AXDND1: variants seen among roughly 807,000 people sequenced by gnomAD.
AXDND1 encodes the protein axonemal dynein light chain domain-containing protein 1.
AXDND1 carries 110 observed loss-of-function variants against 137.5 expected under a neutral mutation model. The ratio of observed to expected loss-of-function variants is 0.80; its 90% CI spans 0.69 to 0.94. The LOEUF is 0.94. Among genes scored for constraint, AXDND1 ranks in the 40% least tolerant of loss-of-function variants. AXDND1 has a pLI of 0.00. For missense variants in AXDND1, 1,191 were observed against 1,169.8 expected (o/e 1.02, Z -0.26); for synonymous variants, 414 against 399.7 (o/e 1.04, Z -0.43).
At chr1:179,480,447 C>G (rs1330396012) in intron 17 of AXDND1, among the ~76,000 whole-genome samples, 1 of 152,150 alleles carries the variant, frequency 6.6e-6, no homozygotes, top group Admixed American at 6.5e-5. Context: ...TCAGTTATCT[C>G]CCACTGGGTC....
chr1:179,380,762 CAAATG>C (rs1648131984), intron 6 of AXDND1, among the ~76,000 whole-genome samples: 1 of 151,992 alleles, frequency 6.6e-6, no homozygotes, highest in Admixed American at 6.6e-5. Flanking sequence ...CCAAGAGAAC[CAAATG>C]AAATTCATTT....
intron 21 of AXDND1, among the ~76,000 whole-genome samples, chr1:179,515,520 T>G (rs965208663): frequency 1.3e-5 from 2 of 152,182 alleles, no homozygotes; most frequent in Admixed American, 1.3e-4. Context: ...TTCTTCGTCT[T>G]AACTTTAGAT....
intron 18 of AXDND1, among the ~76,000 whole-genome samples, chr1:179,487,263 A>G (rs1666182166): frequency 6.8e-6 from 1 of 148,034 alleles, no homozygotes; most frequent in South Asian, 2.1e-4. Flanking sequence ...TCCTTACTTC[A>G]TTTTACCTGT....
chr1:179,505,399 T>C (rs1370100528), intron 20 of AXDND1, among the ~76,000 whole-genome samples: 2 of 152,154 alleles, frequency 1.3e-5, no homozygotes, highest in Non-Finnish European at 2.9e-5. Flanking sequence ...ATGCCTGTAA[T>C]CCCAGCATTT....
At chr1:179,373,075 C>G (rs1384348554) in intron 4 of AXDND1, among the ~76,000 whole-genome samples, 1 of 152,128 alleles carries the variant, frequency 6.6e-6, no homozygotes. Flanking sequence ...CTTAAAGGTT[C>G]CACTTCATAA....
chr1:179,534,484 A>G (rs1053406381), intron 24 of AXDND1: 18 of 346,062 alleles, frequency 5.2e-5, no homozygotes, highest in African/African-American at 3.6e-4. Context: ...AGATACCCCA[A>G]ATCAGATTTT....
At chr1:179,546,642 A>C (rs961046627) in intron 25 of AXDND1, among the ~76,000 whole-genome samples, 6 of 152,066 alleles carry the variant, frequency 3.9e-5, no homozygotes, top group Non-Finnish European at 8.8e-5. Context: ...CAGAGAGAGG[A>C]AACTGGTTAG....
chr1:179,495,647 A>G lies in AXDND1; in HGVS notation c.2388+2696A>G, dbSNP rs181957480. ...AGTCATGCAGTCATGTTATCTGCAG[A>G]TAGGGACAGTTTTATTTCTTCCTTT... is the stretch of plus-strand genomic sequence containing the variant. On this transcript the variant is annotated intron_variant, in intron 20 of 25. Coordinates refer to ENST00000367618, the MANE Select transcript of AXDND1 (RefSeq NM_144696.6). Among the ~76,000 whole-genome samples, 9 of 151,846 alleles carry G rather than the reference A, an allele frequency of 5.9e-5. No homozygotes were observed. In the South Asian group the frequency reaches 1.5e-3, roughly 24 times the overall value.
chr1:179,478,208 T>G (rs2125520570), intron 17 of AXDND1, among the ~76,000 whole-genome samples: 1 of 152,260 alleles, frequency 6.6e-6, no homozygotes, highest in African/African-American at 2.4e-5. Context: ...TGGAGGACAG[T>G]GGCCGTTTTC....
intron 17 of AXDND1, among the ~76,000 whole-genome samples, chr1:179,474,448 G>A (rs1408823794): frequency 6.6e-6 from 1 of 152,218 alleles, no homozygotes; most frequent in African/African-American, 2.4e-5. Flanking sequence ...TTGTTGAATG[G>A]TTTTGACCAA....
chr1:179,366,398 C>A lies in AXDND1; in HGVS notation c.-106-6C>A. 2 of 729,184 alleles carry A rather than the reference C, an allele frequency of 2.7e-6. No individual in the cohort carries two copies. Among genetic ancestry groups the A allele is most frequent in the Non-Finnish European group, 4.7e-6 (2 of 426,574 alleles). 45.2% of individuals were successfully genotyped at this position (729,184 alleles called of 1,614,324 possible). A position where few individuals can be genotyped will look rare whatever the true frequency, so the allele number is the denominator to read the frequency against. ...TTTTTTTAAATCTTTTTTCCTCTGC[C>A]TGCAGGACTATGTGGCAGCCTGCAA... On this transcript the variant is annotated splice_polypyrimidine_tract_variant and splice_region_variant and intron_variant, in intron 1 of 25. Coordinates refer to ENST00000367618, the MANE Select transcript of AXDND1 (RefSeq NM_144696.6).
intron 11 of AXDND1, among the ~76,000 whole-genome samples, chr1:179,402,320 T>C (rs186922464): frequency 6.6e-6 from 1 of 152,346 alleles, no homozygotes; most frequent in African/African-American, 2.4e-5. Flanking sequence ...AGGTGACTTC[T>C]ATACTTAGTC....
At position 179,382,754 on chromosome 1, in the gene AXDND1, C is replaced by T. The variant is rs1274478168; in HGVS notation, c.636C>T (p.Ser212=). The change falls in exon 7 of 26, where the codon TCC becomes TCT. Residue 212 remains serine (S), a splice_region_variant and synonymous_variant. Coordinates refer to ENST00000367618, the MANE Select transcript of AXDND1 (RefSeq NM_144696.6). ...AAAACAGGCTATTGCTCTTCCCATC[C>T]ATGTAAGTACAGTTTATTTTCTAAA... The part of the protein sequence containing the change: ...DSENRLLLFP[S]MKPNKRVEVA... 6.3e-7 allele frequency: 1 copy of T among 1,585,310 alleles called. No homozygotes were observed. The highest frequency in any genetic ancestry group is 1.1e-5 in the South Asian group (1 of 90,206).
intron 20 of AXDND1, among the ~76,000 whole-genome samples, chr1:179,495,175 C>G (rs1426489813): frequency 6.6e-6 from 1 of 151,796 alleles, no homozygotes; most frequent in African/African-American, 2.4e-5. Context: ...CAAGATCAGG[C>G]TATTCTAGGT....
chr1:179,541,823 A>T (rs2125731060), intron 25 of AXDND1, among the ~76,000 whole-genome samples: 1 of 152,310 alleles, frequency 6.6e-6, no homozygotes, highest in East Asian at 1.9e-4. Flanking sequence ...GAAAAAATAG[A>T]AACAACCTAC....
chr1:179,535,059 G>A (rs746895791), intron 25 of AXDND1, 97 bp downstream of exon 25: 13 of 1,543,222 alleles, frequency 8.4e-6, no homozygotes, highest in Middle Eastern at 1.7e-4. Context: ...AATATATTTG[G>A]TGCTAATCTA....
At chr1:179,514,802 T>TATA (rs1669376155) in intron 21 of AXDND1, among the ~76,000 whole-genome samples, 3 of 152,236 alleles carry the variant, frequency 2.0e-5, no homozygotes, top group Admixed American at 2.0e-4. Flanking sequence ...GACAAGGCCT[T>TATA]TACCATTATA....
chr1:179,508,540 C>T (rs370954696), intron 20 of AXDND1, among the ~76,000 whole-genome samples: 60 of 152,018 alleles, frequency 3.9e-4, no homozygotes, highest in African/African-American at 1.4e-3. Flanking sequence ...ACCTTTTAAA[C>T]GTTGAAACCA....
At chr1:179,488,639 C>CTT (rs748125525) in intron 18 of AXDND1, among the ~76,000 whole-genome samples, 1 of 50,366 alleles carries the variant, frequency 2.0e-5, no homozygotes. Flanking sequence ...TCTCTCCTTT[C>CTT]TTTCTTTCTT....
Sources: allele counts gnomAD v4.1 joint callset (sites outside exome capture counted in the v4.1 genomes callset), GRCh38; gene constraint gnomAD v4.1.1; transcripts MANE v1.5; gene names NCBI Gene and HGNC (gene_info 2026-07-23, HGNC 2026-07-21).